SGCD: variants seen among roughly 807,000 people sequenced by gnomAD.
SGCD encodes the protein sarcoglycan delta, also known as delta-sarcoglycan.
Under a neutral mutation model 36.6 loss-of-function variants are expected in SGCD, and 18 were observed. The observed-to-expected ratio is 0.49, with a 90% CI of 0.34 to 0.73. SGCD has a LOEUF of 0.73. SGCD is among the 30% of genes least tolerant of loss of function. The probability of loss-of-function intolerance (pLI) is 0.01; values close to 1 mark genes in which losing one functional copy is unlikely to be tolerated. For synonymous variants in SGCD, 133 were observed against 130.6 expected (o/e 1.02, Z -0.12); for missense variants, 387 against 346.7 (o/e 1.12, Z -0.92).
intron 2 of SGCD, among the ~76,000 whole-genome samples, chr5:156,332,430 T>C (rs745595598): frequency 1.3e-5 from 2 of 152,222 alleles, no homozygotes; most frequent in African/African-American, 4.8e-5. Context: ...AGAGGGCATA[T>C]GCCTACCTCA....
chr5:156,450,873 A>G (rs1753978529), intron 3 of SGCD, among the ~76,000 whole-genome samples: 1 of 152,158 alleles, frequency 6.6e-6, no homozygotes, highest in South Asian at 2.1e-4. Context: ...TTTTTATATT[A>G]AGGTAATATA....
intron 3 of SGCD, among the ~76,000 whole-genome samples, chr5:156,352,934 T>C (rs1769328639): frequency 6.6e-6 from 1 of 152,220 alleles, no homozygotes; most frequent in Non-Finnish European, 1.5e-5. Flanking sequence ...CTATTTTTCA[T>C]GAAGACAAGT....
At chr5:155,914,458 T>C (rs543982517) in intron 1 of SGCD, among the ~76,000 whole-genome samples, 2 of 152,314 alleles carry the variant, frequency 1.3e-5, no homozygotes, top group South Asian at 4.1e-4. Flanking sequence ...CTACCTCAGC[T>C]GGCTCTTCCC....
At chr5:156,253,376 A>T (rs900820809) in intron 3 of SGCD, among the ~76,000 whole-genome samples, 3 of 152,146 alleles carry the variant, frequency 2.0e-5, no homozygotes, top group African/African-American at 4.8e-5. Flanking sequence ...GCTAATTAGC[A>T]TTTTTCAGTT....
chr5:156,610,993 G>C (rs1013126561), intron 6 of SGCD, among the ~76,000 whole-genome samples: 5 of 152,322 alleles, frequency 3.3e-5, no homozygotes, highest in Middle Eastern at 6.8e-3. Flanking sequence ...CGCTTCCCAG[G>C]TGAGGCGATG....
chr5:156,624,860 A>G (rs1330771961), intron 6 of SGCD, among the ~76,000 whole-genome samples: 1 of 152,192 alleles, frequency 6.6e-6, no homozygotes, highest in Non-Finnish European at 1.5e-5. Context: ...GATTGCAAAT[A>G]GGCTGATAAA....
At chr5:156,735,091 GT>G (rs2113029537) in intron 7 of SGCD, among the ~76,000 whole-genome samples, 1 of 152,316 alleles carries the variant, frequency 6.6e-6, no homozygotes, top group Non-Finnish European at 1.5e-5. Context: ...ATCCACTCCA[GT>G]CCCTAATCAC....
At chr5:155,921,798 C>T (rs137883470) in intron 1 of SGCD, among the ~76,000 whole-genome samples, 1,552 of 152,260 alleles carry the variant, frequency 0.01, 9 homozygotes, top group Non-Finnish European at 0.017. Context: ...CATAGAAACC[C>T]TCTCTGTGGC....
intron 2 of SGCD, among the ~76,000 whole-genome samples, chr5:156,342,885 A>T (rs1768738586): frequency 6.6e-6 from 1 of 152,210 alleles, no homozygotes; most frequent in African/African-American, 2.4e-5. Flanking sequence ...TTTTCCATTC[A>T]ATCATTCCAC....
At chr5:156,100,928 A>G (rs1761503179) in intron 1 of SGCD, among the ~76,000 whole-genome samples, 1 of 152,140 alleles carries the variant, frequency 6.6e-6, no homozygotes, top group Admixed American at 6.6e-5. Flanking sequence ...TATTTGTCAA[A>G]GCCTAAATCC....
the SGCD span, among the ~76,000 whole-genome samples, chr5:155,790,983 T>C: frequency 6.6e-6 from 1 of 152,150 alleles, no homozygotes; most frequent in African/African-American, 2.4e-5. Flanking sequence ...GGGTTCTGAA[T>C]AGGATGGAAT....
intron 6 of SGCD, among the ~76,000 whole-genome samples, chr5:156,617,115 AG>A (rs1158715507): frequency 6.6e-6 from 1 of 152,226 alleles, no homozygotes; most frequent in Admixed American, 6.5e-5. Flanking sequence ...TTATGATAGC[AG>A]GAAGTTTTGT....
intron 3 of SGCD, among the ~76,000 whole-genome samples, chr5:156,403,614 C>G (rs12054876): frequency 0.47 from 71,478 of 151,952 alleles, 18,226 homozygotes; most frequent in Middle Eastern, 0.66. Flanking sequence ...AACTTGCTCC[C>G]GTGTCTTTGT....
At chr5:156,288,284 A>G (rs961411284) in intron 3 of SGCD, among the ~76,000 whole-genome samples, 3 of 152,194 alleles carry the variant, frequency 2.0e-5, no homozygotes, top group Non-Finnish European at 4.4e-5. Flanking sequence ...CACTTGGCAC[A>G]TAAAATATCT....
chr5:156,489,122 A>G (rs573100731), intron 3 of SGCD, among the ~76,000 whole-genome samples: 14 of 152,240 alleles, frequency 9.2e-5, no homozygotes, highest in African/African-American at 3.4e-4. Context: ...CTGTAAAAAG[A>G]GACAAAGATG....
intron 3 of SGCD, among the ~76,000 whole-genome samples, chr5:156,482,328 C>T (rs901319098): frequency 2.0e-5 from 3 of 151,670 alleles, no homozygotes; most frequent in Non-Finnish European, 2.9e-5. Flanking sequence ...ATATGGTAGC[C>T]ACCAGCCACA....
At chr5:156,335,296 G>T (rs1768290532) in intron 2 of SGCD, among the ~76,000 whole-genome samples, 2 of 152,104 alleles carry the variant, frequency 1.3e-5, no homozygotes, top group South Asian at 4.1e-4. Context: ...TAAATACAAG[G>T]TATATTACAA....
intron 5 of SGCD, among the ~76,000 whole-genome samples, 152 bp downstream of exon 5, chr5:156,589,470 C>T (rs545733515): frequency 6.6e-5 from 10 of 152,274 alleles, no homozygotes; most frequent in African/African-American, 2.2e-4. Context: ...CATGATTCTA[C>T]TAGAGGGTAG....
chr5:156,751,604 C>CA (rs1225823511), intron 7 of SGCD, among the ~76,000 whole-genome samples: 1 of 151,866 alleles, frequency 6.6e-6, no homozygotes, highest in African/African-American at 2.4e-5. Context: ...ACAAATCACA[C>CA]AAAAAATAAA....
Sources: allele counts gnomAD v4.1 joint callset (sites outside exome capture counted in the v4.1 genomes callset), GRCh38; gene constraint gnomAD v4.1.1; transcripts MANE v1.5; gene names NCBI Gene and HGNC (gene_info 2026-07-23, HGNC 2026-07-21).